SLC4A4: variants seen among roughly 807,000 people sequenced by gnomAD.
SLC4A4 encodes electrogenic sodium bicarbonate cotransporter 1.
In SLC4A4, 27 loss-of-function variants were observed where a neutral mutation model predicts 111.5. The observed-to-expected ratio is 0.24, with a 90% CI of 0.18 to 0.33. The LOEUF (loss-of-function observed/expected upper bound fraction) is 0.33, where lower values mean the gene tolerates loss of function less well. SLC4A4 is among the 10% of genes least tolerant of loss of function. The pLI, the probability that SLC4A4 is intolerant of heterozygous loss-of-function variation, is 1.00. For missense variants in SLC4A4, 909 were observed against 1,315.5 expected (o/e 0.69, Z 4.78); for synonymous variants, 443 against 463.4 (o/e 0.96, Z 0.57).
intron 1 of SLC4A4, among the ~76,000 whole-genome samples, chr4:71,076,972 A>T (rs2089134183): frequency 6.6e-6 from 1 of 151,786 alleles, no homozygotes; most frequent in African/African-American, 2.4e-5. Context: ...CATGGGCAAA[A>T]GTGAGACCCT....
At chr4:71,168,943 G>T (rs1175533478) in intron 2 of SLC4A4, among the ~76,000 whole-genome samples, 2 of 152,124 alleles carry the variant, frequency 1.3e-5, no homozygotes, top group Non-Finnish European at 2.9e-5. Context: ...TTGATATATT[G>T]ATTTCCTTTT....
chr4:71,493,367 C>T (rs4516679), intron 15 of SLC4A4, among the ~76,000 whole-genome samples: 20,501 of 151,874 alleles, frequency 0.13, 1,877 homozygotes, highest in African/African-American at 0.26. Context: ...ATCTTGTCCT[C>T]CAGATAAAAA....
chr4:71,120,728 C>T (rs376872447), intron 2 of SLC4A4, among the ~76,000 whole-genome samples: 8 of 152,272 alleles, frequency 5.3e-5, no homozygotes, highest in East Asian at 3.9e-4. Flanking sequence ...ATTAGCCAGG[C>T]GTGGTGGCGG....
intron 2 of SLC4A4, among the ~76,000 whole-genome samples, chr4:71,166,337 G>T (rs906213178): frequency 6.6e-6 from 1 of 152,174 alleles, no homozygotes; most frequent in African/African-American, 2.4e-5. Context: ...AGTTTAGTTT[G>T]TTGCATTAAA....
intron 1 of SLC4A4, among the ~76,000 whole-genome samples, chr4:71,211,740 A>G (rs2252387): frequency 0.99 from 149,961 of 151,624 alleles, 74,179 homozygotes; most frequent in East Asian, 1. Context: ...GAGAGTAAAC[A>G]CATTAGTAAT....
At chr4:71,192,499 G>A (rs1337693899) in intron 1 of SLC4A4, among the ~76,000 whole-genome samples, 1 of 152,044 alleles carries the variant, frequency 6.6e-6, no homozygotes, top group Non-Finnish European at 1.5e-5. Context: ...CAAATACATA[G>A]AAAACATTGA....
chr4:71,360,896 G>T (rs895314631), intron 6 of SLC4A4, among the ~76,000 whole-genome samples: 3 of 152,144 alleles, frequency 2.0e-5, no homozygotes, highest in African/African-American at 7.2e-5. Flanking sequence ...CACACAATTT[G>T]AAGAGTGAGA....
chr4:71,062,831 A>T (rs1741423680), intron 1 of SLC4A4, among the ~76,000 whole-genome samples: 1 of 152,224 alleles, frequency 6.6e-6, no homozygotes, highest in Non-Finnish European at 1.5e-5. Flanking sequence ...TGGTAGGCAT[A>T]TGCCACACAA....
At chr4:71,305,966 GTA>G (rs1389618399) in intron 3 of SLC4A4, among the ~76,000 whole-genome samples, 1 of 152,262 alleles carries the variant, frequency 6.6e-6, no homozygotes, top group African/African-American at 2.4e-5. Flanking sequence ...TATCTTTATA[GTA>G]ATATTTCCTA....
At chr4:71,162,912 G>A (rs1247655922) in intron 2 of SLC4A4, among the ~76,000 whole-genome samples, 2 of 152,094 alleles carry the variant, frequency 1.3e-5, no homozygotes, top group Admixed American at 1.3e-4. Flanking sequence ...CCATGTTTGG[G>A]AACATTCTTT....
At chr4:71,446,913 A>C (rs182124974) in intron 8 of SLC4A4, among the ~76,000 whole-genome samples, 47 of 152,332 alleles carry the variant, frequency 3.1e-4, no homozygotes, top group African/African-American at 9.9e-4. Flanking sequence ...GATTTTTTCC[A>C]ACTTGGTTAG....
intron 20 of SLC4A4, among the ~76,000 whole-genome samples, chr4:71,552,318 C>T (rs1397971835): frequency 6.6e-6 from 1 of 151,686 alleles, no homozygotes; most frequent in Non-Finnish European, 1.5e-5. Context: ...TGCTCTTAAT[C>T]AGGATCTCGT....
intron 1 of SLC4A4, among the ~76,000 whole-genome samples, chr4:71,214,636 C>T (rs1392092145): frequency 1.3e-5 from 2 of 152,248 alleles, no homozygotes; most frequent in East Asian, 3.9e-4. Context: ...CAATAAGGCA[C>T]ATGATCTGAG....
intron 2 of SLC4A4, among the ~76,000 whole-genome samples, chr4:71,135,038 G>A (rs971336515): frequency 6.6e-6 from 1 of 152,134 alleles, no homozygotes; most frequent in African/African-American, 2.4e-5. Flanking sequence ...GCTGGGCTCC[G>A]ATAAGCCTTT....
intron 6 of SLC4A4, among the ~76,000 whole-genome samples, chr4:71,373,474 C>T (rs1417687593): frequency 2.0e-5 from 3 of 152,114 alleles, no homozygotes; most frequent in African/African-American, 7.2e-5. Context: ...ATTGAAAGAT[C>T]ATGCTAGGCT....
intron 3 of SLC4A4, among the ~76,000 whole-genome samples, chr4:71,329,637 G>C (rs905086980): frequency 6.6e-6 from 1 of 152,102 alleles, no homozygotes; most frequent in Non-Finnish European, 1.5e-5. Context: ...CTGGCATGTA[G>C]AAATGCTACT....
rs573631637 is a variant in SLC4A4, at chr4:71,567,688, AAAG to A, written c.*37-96_*37-94del. 70 of 573,686 alleles carry A rather than the reference AAAG, an allele frequency of 1.2e-4. No individual in the cohort carries two copies. In the African/African-American group the frequency reaches 1.2e-3, roughly 10 times the overall value. 35.5% of individuals were successfully genotyped at this position (573,686 alleles called of 1,614,324 possible). ...GAGAATATAAATATTAAAAGAGAACAAAGAAGGACACATTTGACTTCTATACAA... is the reference window on the plus strand; with the variant it reads ...GAGAATATAAATATTAAAAGAGAACAAAGGACACATTTGACTTCTATACAA... On this transcript the variant is annotated intron_variant, in intron 25 of 25. Coordinates refer to ENST00000264485, the MANE Select transcript of SLC4A4 (RefSeq NM_001098484.3).
intron 2 of SLC4A4, among the ~76,000 whole-genome samples, chr4:71,243,724 T>C (rs570330588): frequency 6.6e-6 from 1 of 152,266 alleles, no homozygotes; most frequent in South Asian, 2.1e-4. Context: ...AAATAATTCA[T>C]TTCTCTGAAT....
intron 4 of SLC4A4, among the ~76,000 whole-genome samples, chr4:71,344,940 C>A (rs1291708286): frequency 6.6e-6 from 1 of 151,946 alleles, no homozygotes; most frequent in East Asian, 1.9e-4. Flanking sequence ...GGGAGATGTC[C>A]CCTTTTAAGT....
Sources: allele counts gnomAD v4.1 joint callset (sites outside exome capture counted in the v4.1 genomes callset), GRCh38; gene constraint gnomAD v4.1.1; transcripts MANE v1.5; gene names NCBI Gene and HGNC (gene_info 2026-07-23, HGNC 2026-07-21).